EHHADH: variants seen among roughly 807,000 people sequenced by gnomAD.
EHHADH encodes enoyl-CoA hydratase and 3-hydroxyacyl CoA dehydrogenase.
A neutral mutation model predicts 64.4 loss-of-function variants in EHHADH; 48 were observed. That is an observed-to-expected ratio of 0.75 (90% confidence interval 0.59 to 0.95). The LOEUF is 0.95. EHHADH is among the 40% of genes least tolerant of loss of function. EHHADH has a pLI of 0.00. For missense variants in EHHADH, 854 were observed against 876.6 expected, an observed-to-expected ratio of 0.97 and a Z score of 0.33; for synonymous variants, 308 against 326.7, an observed-to-expected ratio of 0.94 and a Z score of 0.62.
At chr3:185,218,326 G>A (rs1319092924) in intron 4 of EHHADH, 86 bp from the exon 5 acceptor site, 11 of 836,456 alleles carry the variant, frequency 1.3e-5, no homozygotes, top group East Asian at 2.7e-5. Context: ...AGTAGGAAAG[G>A]CTGTCTGTCT....
intron 3 of EHHADH, among the ~76,000 whole-genome samples, chr3:185,232,701 G>C (rs1031674976): frequency 1.3e-5 from 2 of 152,168 alleles, no homozygotes; most frequent in Non-Finnish European, 2.9e-5. Context: ...GCCTGCCTTG[G>C]CCTCCCAAAG....
At chr3:185,220,504 T>C (rs1291545511) in intron 4 of EHHADH, among the ~76,000 whole-genome samples, 1 of 152,184 alleles carries the variant, frequency 6.6e-6, no homozygotes, top group Admixed American at 6.6e-5. Flanking sequence ...TAATAGGCTA[T>C]ACCATCTAGG....
intron 4 of EHHADH, among the ~76,000 whole-genome samples, chr3:185,227,031 T>C (rs539893477): frequency 1.5e-4 from 23 of 152,378 alleles, no homozygotes; most frequent in Non-Finnish European, 3.2e-4. Flanking sequence ...AGAAAATTAA[T>C]AATTGCTGGA....
chr3:185,203,793 T>C (rs748203750), intron 6 of EHHADH, among the ~76,000 whole-genome samples: 1 of 152,072 alleles, frequency 6.6e-6, no homozygotes, highest in Non-Finnish European at 1.5e-5. Flanking sequence ...CAAATCATCA[T>C]CATCAGGAAA....
chr3:185,192,323 A>G lies in EHHADH; in HGVS notation c.2075T>C (p.Leu692Pro). Residue 692 changes from leucine to proline, a missense_variant, in exon 7 of 7, where the codon CTG becomes CCG. Transcript: ENST00000231887. ...YYRQNPDIPQ[L>P]EPSDYLKKLA... ...TTTTTTTAGATAGTCACTTGGCTCC[A>G]GTTGGGGAATATCAGGGTTCTGCCT... The G allele has an allele frequency of 1.2e-6, 2 of 1,614,174 alleles. No homozygotes were observed. Among genetic ancestry groups the G allele is most frequent in the Non-Finnish European group, 1.7e-6 (2 of 1,180,030 alleles).
chr3:185,204,188 CCT>C (rs1161695039), intron 6 of EHHADH, among the ~76,000 whole-genome samples: 3 of 149,882 alleles, frequency 2.0e-5, no homozygotes, highest in Admixed American at 6.7e-5. Flanking sequence ...TGGAGTCAGA[CCT>C]AGGGTCAGAC....
intron 5 of EHHADH, among the ~76,000 whole-genome samples, chr3:185,212,412 C>T (rs78723532): frequency 0.02 from 3,110 of 152,272 alleles, 98 homozygotes; most frequent in African/African-American, 0.071. Flanking sequence ...TCCCAAATTG[C>T]GTTTTAGGTA....
intron 4 of EHHADH, among the ~76,000 whole-genome samples, chr3:185,228,675 T>C (rs1193753605): frequency 1.3e-5 from 2 of 151,700 alleles, no homozygotes; most frequent in African/African-American, 4.8e-5. Context: ...CGAAACTCCG[T>C]CTCAAAAAAA....
At chr3:185,251,630 G>A (rs1719751439) in intron 1 of EHHADH, among the ~76,000 whole-genome samples, 1 of 151,388 alleles carries the variant, frequency 6.6e-6, no homozygotes. Flanking sequence ...GTGTGTGTGT[G>A]TGTGTGTGTA....
chr3:185,193,171 A>G lies in EHHADH; in HGVS notation c.1227T>C (p.Asn409=). The change falls in exon 7 of 7, where the codon AAT becomes AAC. Residue 409 remains asparagine (N), a synonymous_variant. Coordinates refer to ENST00000231887, the MANE Select transcript of EHHADH (RefSeq NM_001966.4). ...VCKPEAFLCT[N]TSALDVDEIA... is the part of the protein sequence containing the mutation. Reference sequence around the variant, plus strand: ...TCTCATCAACATCCAGGGCTGAAGTATTAGTGCACAAAAATGCTTCTGGTT... The same window carrying G: ...TCTCATCAACATCCAGGGCTGAAGTGTTAGTGCACAAAAATGCTTCTGGTT... The G allele has an allele frequency of 4.3e-6, 7 of 1,613,228 alleles. No homozygotes were observed. The highest frequency in any genetic ancestry group is 5.9e-6 in the Non-Finnish European group (7 of 1,179,726).
chr3:185,238,074 T>C (rs1244204091), intron 2 of EHHADH, among the ~76,000 whole-genome samples: 1 of 152,198 alleles, frequency 6.6e-6, no homozygotes, highest in Non-Finnish European at 1.5e-5. Flanking sequence ...TTATTTTACT[T>C]AGGATAATGG....
chr3:185,238,021 C>A (rs1719343384), intron 2 of EHHADH, among the ~76,000 whole-genome samples: 1 of 152,172 alleles, frequency 6.6e-6, no homozygotes, highest in Non-Finnish European at 1.5e-5. Flanking sequence ...ATAGCTCCCA[C>A]TTATAAGTGA....
intron 5 of EHHADH, among the ~76,000 whole-genome samples, chr3:185,212,048 A>T (rs968812075): frequency 2.0e-5 from 3 of 152,184 alleles, no homozygotes; most frequent in Non-Finnish European, 4.4e-5. Flanking sequence ...CAGCTGGGGA[A>T]GGTAGAGAGA....
At chr3:185,233,184 A>G (rs2108645928) in intron 3 of EHHADH, among the ~76,000 whole-genome samples, 1 of 152,354 alleles carries the variant, frequency 6.6e-6, no homozygotes, top group Middle Eastern at 3.4e-3. Flanking sequence ...TAATGTATGA[A>G]GATATAACTT....
In EHHADH at chr3:185,206,283, T is replaced by TA. The variant is rs60032581; in HGVS notation, c.569-1527dup. Among the ~76,000 whole-genome samples the TA allele has an allele frequency of 2.7e-3, 331 of 123,590 alleles. 1 individual carries two copies. The highest frequency in any genetic ancestry group is 0.013 in the Middle Eastern group (3 of 226). The allele number at this position is 123,590 out of a possible 152,430, so 81.1% of individuals were successfully genotyped here. A position where few individuals can be genotyped will look rare whatever the true frequency, so the allele number is the denominator to read the frequency against. On this transcript the variant is annotated intron_variant, in intron 5 of 6. Coordinates refer to ENST00000231887, the MANE Select transcript of EHHADH (RefSeq NM_001966.4). The stretch of plus-strand genomic sequence containing the variant: ...TTGGATATCCACATGCCAAAAACAA[T>TA]AAAAAAAAAAAAAAATTTAGGTCCT...
At chr3:185,234,922 C>T (rs932948520) in intron 3 of EHHADH, among the ~76,000 whole-genome samples, 1 of 152,150 alleles carries the variant, frequency 6.6e-6, no homozygotes, top group African/African-American at 2.4e-5. Flanking sequence ...GTGGCTCATG[C>T]CTGTAATCCC....
At chr3:185,225,695 T>C (rs1718955245) in intron 4 of EHHADH, among the ~76,000 whole-genome samples, 1 of 152,186 alleles carries the variant, frequency 6.6e-6, no homozygotes, top group Non-Finnish European at 1.5e-5. Flanking sequence ...TATGACTTCA[T>C]CCTCTTACTA....
At chr3:185,244,047 A>G (rs1157521383) in intron 2 of EHHADH, among the ~76,000 whole-genome samples, 2 of 152,198 alleles carry the variant, frequency 1.3e-5, no homozygotes, top group Non-Finnish European at 2.9e-5. Flanking sequence ...TGGGATGCAT[A>G]TATATTTAAG....
At chr3:185,218,713 T>G (rs1402061988) in intron 4 of EHHADH, among the ~76,000 whole-genome samples, 1 of 151,492 alleles carries the variant, frequency 6.6e-6, no homozygotes, top group East Asian at 1.9e-4. Context: ...CACACCCCAT[T>G]GGCTGTGGAT....
Sources: allele counts gnomAD v4.1 joint callset (sites outside exome capture counted in the v4.1 genomes callset), GRCh38; gene constraint gnomAD v4.1.1; transcripts MANE v1.5; gene names NCBI Gene and HGNC (gene_info 2026-07-23, HGNC 2026-07-21).